The following ABHD14B variants were observed in gnomAD, a reference collection of about 807,000 sequenced individuals.
ABHD14B encodes putative protein-lysine deacylase ABHD14B.
In ABHD14B, 19 loss-of-function variants were observed where a neutral mutation model predicts 15.4. The ratio of observed to expected loss-of-function variants is 1.23; its 90% CI spans 0.86 to 1.81. The LOEUF (loss-of-function observed/expected upper bound fraction) is 1.81. Ranked by LOEUF, ABHD14B falls within the 40% of genes most tolerant of loss-of-function variation. The pLI is 0.00. For synonymous variants in ABHD14B, 92 were observed against 117.3 expected (o/e 0.78, Z 1.39); for missense variants, 243 against 267.0 (o/e 0.91, Z 0.63).
intron 1 of ABHD14B, 157 bp downstream of exon 1, chr3:51,973,808 T>G: frequency 7.8e-7 from 1 of 1,287,972 alleles, no homozygotes; most frequent in Non-Finnish European, 1.0e-6. Context: ...TTCCGCGGAC[T>G]ACGGTTCTGG....
chr3:51,973,147 C>T (rs1700690217), intron 1 of ABHD14B, among the ~76,000 whole-genome samples: 1 of 151,772 alleles, frequency 6.6e-6, no homozygotes, highest in South Asian at 2.1e-4. Flanking sequence ...CGGGTTCACG[C>T]CATTCTCCTG....
At position 51,971,055 on chromosome 3, in the gene ABHD14B, A is replaced by G. The variant is rs576111217; in HGVS notation, c.211+405T>C. 3.3e-5 allele frequency among the ~76,000 whole-genome samples: 5 copies of G among 152,334 alleles called. No individual in the cohort carries two copies. In the South Asian group the frequency reaches 1.0e-3, roughly 32 times the overall value. On this transcript the variant is annotated intron_variant, in intron 2 of 3. Transcript: ENST00000361143. ...AGCCTATGGTTATTATTCAGTCAAA[A>G]TACTTTACTTCCAATTGGCTGAGCA...
Position 51,970,074 on chromosome 3 carries a change from T to C in ABHD14B, c.322A>G (p.Ile108Val). The change falls in exon 3 of 4, where the codon ATC (isoleucine) becomes GTC (valine). Residue 108 changes from isoleucine (I) to valine (V), a missense_variant. By Grantham distance (29) the Ile-to-Val change is conservative (BLOSUM62 3). Coordinates refer to ENST00000361143, the MANE Select transcript of ABHD14B (RefSeq NM_001146314.2). ...TACATGCCACTCAGTGATGGACTGA[T>C]CACAACCGGGGGGCCCAGCTCCAAG... ...DALELGPPVVISPSLSGMYSL... is the reference protein window; with the variant it reads ...DALELGPPVVVSPSLSGMYSL... 1 of 1,610,902 alleles carries C rather than the reference T, an allele frequency of 6.2e-7. No individual in the cohort carries two copies. The highest frequency in any genetic ancestry group is 1.7e-5 in the Admixed American group (1 of 59,790).
At chr3:51,969,815 G>A in intron 3 of ABHD14B, 128 bp downstream of exon 3, 1 of 1,544,654 alleles carries the variant, frequency 6.5e-7, no homozygotes, top group South Asian at 1.1e-5. Flanking sequence ...AACCAAAAGG[G>A]TGGAGTTGGG....
At chr3:51,973,752 G>A (rs1700713457) in intron 1 of ABHD14B, 2 of 1,060,522 alleles carry the variant, frequency 1.9e-6, no homozygotes, top group Admixed American at 4.7e-5. Context: ...GGTGCTCAAC[G>A]CGCTGCCACC....
Position 51,969,253 on chromosome 3 carries a change from C to T in ABHD14B, c.*173G>A, listed in dbSNP as rs1159509267. The T allele has an allele frequency of 8.7e-6, 6 of 693,496 alleles. No individual in the cohort carries two copies. Among genetic ancestry groups the T allele is most frequent in the South Asian group, 2.2e-5 (1 of 46,266 alleles). The allele number at this position is 693,496 out of a possible 1,614,324, so 43.0% of individuals were successfully genotyped here. A position where few individuals can be genotyped will look rare whatever the true frequency, so the allele number is the denominator to read the frequency against. ...TTGATTTTACCCCCTCAGTCTATCA[C>T]TGCAAGAGAAAGAGGTAGAAAAGAC... On this transcript the variant is annotated 3_prime_UTR_variant, in exon 4 of 4. Coordinates refer to ENST00000361143, the MANE Select transcript of ABHD14B (RefSeq NM_001146314.2).
At position 51,969,236 on chromosome 3, in the gene ABHD14B, A is replaced by T; in HGVS notation, c.*190T>A. ...CCTGAGAGTTTTTTCTCTTGATTTTACCCCCTCAGTCTATCACTGCAAGAG... is the reference window on the plus strand; with the variant it reads ...CCTGAGAGTTTTTTCTCTTGATTTTTCCCCCTCAGTCTATCACTGCAAGAG... On this transcript the variant is annotated 3_prime_UTR_variant, in exon 4 of 4. Coordinates refer to ENST00000361143, the MANE Select transcript of ABHD14B (RefSeq NM_001146314.2). 1.8e-6 allele frequency: 1 copy of T among 561,474 alleles called. No individual in the cohort carries two copies. The highest frequency in any genetic ancestry group is 3.0e-6 in the Non-Finnish European group (1 of 333,722). 34.8% of individuals were successfully genotyped at this position (561,474 alleles called of 1,614,324 possible).
At chr3:51,970,274 G>A in intron 2 of ABHD14B, 90 bp from the exon 3 acceptor site, 1 of 1,500,064 alleles carries the variant, frequency 6.7e-7, no homozygotes, top group South Asian at 1.4e-5. Flanking sequence ...AGCCCTCCTA[G>A]GTCAGTTTCT....
At chr3:51,974,435 T>C (rs956197071), upstream of ABHD14B, 1 of 238,252 alleles carries the variant, frequency 4.2e-6, no homozygotes, top group Non-Finnish European at 8.5e-6. Flanking sequence ...TTGATCGTTT[T>C]CCCAATGCCC....
chr3:51,973,330 G>A (rs1414824279), intron 1 of ABHD14B, among the ~76,000 whole-genome samples: 2 of 151,670 alleles, frequency 1.3e-5, no homozygotes, highest in African/African-American at 4.8e-5. Context: ...GATTACAGGC[G>A]TGAGCCACCG....
At chr3:51,973,044 ATTTT>A (rs35772258) in intron 1 of ABHD14B, among the ~76,000 whole-genome samples, 1 of 132,310 alleles carries the variant, frequency 7.6e-6, no homozygotes. Flanking sequence ...TGCCTGGCTA[ATTTT>A]TTTTTTTTTT....
At position 51,974,024 on chromosome 3, in the gene ABHD14B, G is replaced by A; in HGVS notation, c.-88C>T. ...CAGGCGCGTGCTGGCGGTGACCTGGGGCCGGAGGAGGAACGCTGGGAAGAG... is the reference window on the plus strand; with the variant it reads ...CAGGCGCGTGCTGGCGGTGACCTGGAGCCGGAGGAGGAACGCTGGGAAGAG... On this transcript the variant is annotated 5_prime_UTR_variant, in exon 1 of 4. Transcript: ENST00000361143. The A allele has an allele frequency of 1.6e-6, 2 of 1,288,636 alleles. No homozygotes were observed. Among genetic ancestry groups the A allele is most frequent in the South Asian group, 2.5e-5 (2 of 80,958 alleles). 79.8% of individuals were successfully genotyped at this position (1,288,636 alleles called of 1,614,324 possible).
intron 1 of ABHD14B, chr3:51,973,594 T>G (rs1264379695): frequency 2.9e-6 from 1 of 350,478 alleles, no homozygotes; most frequent in East Asian, 7.8e-5. Flanking sequence ...CATGGATCAC[T>G]GCAGCCTTGA....
intron 1 of ABHD14B, chr3:51,973,751 C>T: frequency 1.9e-6 from 2 of 1,054,840 alleles, no homozygotes; most frequent in Non-Finnish European, 2.6e-6. Context: ...GGGTGCTCAA[C>T]GCGCTGCCAC....
intron 3 of ABHD14B, 106 bp from the exon 4 acceptor site, chr3:51,969,711 G>C: frequency 6.8e-7 from 1 of 1,467,814 alleles, no homozygotes; most frequent in Non-Finnish European, 9.3e-7. Context: ...ATATGAGGGA[G>C]AGAGACAAGC....
chr3:51,969,694 C>G, intron 3 of ABHD14B, 89 bp from the exon 4 acceptor site: 2 of 1,503,912 alleles, frequency 1.3e-6, no homozygotes, highest in South Asian at 2.5e-5. Flanking sequence ...CTTCCTGGGA[C>G]CACCCCATAT....
chr3:51,971,644 C>G lies in ABHD14B; in HGVS notation c.27G>C (p.Glu9Asp). 2 of 1,612,300 alleles carry G rather than the reference C, an allele frequency of 1.2e-6. No homozygotes were observed. The highest frequency in any genetic ancestry group is 2.2e-5 in the East Asian group (1 of 44,858). The change falls in exon 2 of 4, where the codon GAG (glutamate) becomes GAC (aspartate). Residue 9 changes from glutamate (E) to aspartate (D), a missense_variant. Coordinates refer to ENST00000361143, the MANE Select transcript of ABHD14B (RefSeq NM_001146314.2). Reference sequence around the variant, plus strand: ...CCTGGCCCTGCACCTGGATGGTGCCCTCGCGCTGCTCCACGCTTGCTGCCA... The same window carrying G: ...CCTGGCCCTGCACCTGGATGGTGCCGTCGCGCTGCTCCACGCTTGCTGCCA... MAASVEQREGTIQVQGQAL... is the reference protein window; with the variant it reads MAASVEQRDGTIQVQGQAL...
chr3:51,971,241 C>A, intron 2 of ABHD14B: 1 of 527,244 alleles, frequency 1.9e-6, no homozygotes, highest in Non-Finnish European at 3.4e-6. Flanking sequence ...CAGTGAGGAG[C>A]AGCTGGGCGG....
At chr3:51,972,332 G>A (rs113674490) in intron 1 of ABHD14B, among the ~76,000 whole-genome samples, 2,209 of 151,140 alleles carry the variant, frequency 0.015, 55 homozygotes, top group African/African-American at 0.051. Flanking sequence ...CATTTTGGGA[G>A]GCCGAGGCGG....
Sources: gnomAD v4.1 joint callset for allele counts (sites outside exome capture counted in the v4.1 genomes callset) on GRCh38, gnomAD v4.1.1 for gene constraint, MANE v1.5 for transcripts, NCBI Gene and HGNC (gene_info 2026-07-23, HGNC 2026-07-21) for gene names.